BAHD1: variants seen among roughly 807,000 people sequenced by gnomAD.
The protein encoded by BAHD1 is bromo adjacent homology domain-containing 1 protein.
A neutral mutation model predicts 63.1 loss-of-function variants in BAHD1; 20 were observed. The ratio of observed to expected loss-of-function variants is 0.32; its 90% CI spans 0.22 to 0.46. The LOEUF is 0.46. BAHD1 is among the 20% of genes least tolerant of loss of function. BAHD1 has a pLI of 1.00. For missense variants in BAHD1, 939 were observed against 1,071.8 expected (o/e 0.88, Z 1.73); for synonymous variants, 408 against 426.8 (o/e 0.96, Z 0.54).
At chr15:40,462,370 T>G (rs1894076345) in intron 3 of BAHD1, 76 bp downstream of exon 3, 1 of 1,517,936 alleles carries the variant, frequency 6.6e-7, no homozygotes, top group East Asian at 2.3e-5. Flanking sequence ...AGGTAGGTGC[T>G]AGAAGCACCT....
intron 1 of BAHD1, among the ~76,000 whole-genome samples, chr15:40,442,749 C>T (rs1241224479): frequency 6.6e-6 from 1 of 152,186 alleles, no homozygotes; most frequent in Non-Finnish European, 1.5e-5. Context: ...GTTTATAAAT[C>T]CAGGCAGGAA....
rs1046422440 is a variant in BAHD1 at position 40,458,770 on chromosome 15, G to A, written c.306G>A (p.Pro102=). Residue 102 remains proline, a synonymous_variant, in exon 2 of 7, where the codon CCG becomes CCA. Transcript: ENST00000416165. The surrounding 1 kb of genome is among the most constrained non-coding windows in gnomAD (Gnocchi z 4.7). ...CTGACCTGCCCAAGCCCCCCAGCCC[G>A]GCCCCATCCAGTGAAGACCCTGGCC... is the stretch of plus-strand genomic sequence containing the variant. ...LPPDLPKPPS[P]APSSEDPGLA... 2.0e-5 allele frequency: 33 copies of A among 1,612,990 alleles called. No homozygotes were observed. Among genetic ancestry groups the A allele is most frequent in the Admixed American group, 1.2e-4 (7 of 60,008 alleles).
Position 40,458,793 on chromosome 15 carries a change from G to T in BAHD1, c.329G>T (p.Gly110Val), listed in dbSNP as rs768650125. The change falls in exon 2 of 7, where the codon GGC (glycine) becomes GTC (valine). Residue 110 changes from glycine (G) to valine (V), a missense_variant. This residue lies in a region of BAHD1 where 797 missense variants were observed against 813.3 expected (regional missense o/e 0.98). Transcript: ENST00000416165. This position sits in a 1 kb window ranked among gnomAD's most constrained non-coding sequence, Gnocchi z 4.7. ...PSPAPSSEDP[G>V]LAQPRKRRLA... ...CCGGCCCCATCCAGTGAAGACCCTG[G>T]CCTTGCCCAGCCCCGCAAGCGGCGC... 1.9e-6 allele frequency: 3 copies of T among 1,612,990 alleles called. No homozygotes were observed. Among genetic ancestry groups the T allele is most frequent in the Admixed American group, 1.7e-5 (1 of 60,014 alleles).
At position 40,462,232 on chromosome 15, in the gene BAHD1, C is replaced by T. The variant is rs770756651; in HGVS notation, c.1753C>T (p.Arg585Cys). ...GCGCCCACGCCCTCGCCGCCGCCGTCGCCGCCGCACTAATGGCTGGGTACC... is the reference window on the plus strand; with the variant it reads ...GCGCCCACGCCCTCGCCGCCGCCGTTGCCGCCGCACTAATGGCTGGGTACC... ...VQRPRPRRRR[R>C]RRTNGWVPVG... Residue 585 changes from arginine to cysteine, a missense_variant, in exon 3 of 7, where the codon CGC (arginine) becomes TGC (cysteine). Coordinates refer to ENST00000416165, the MANE Select transcript of BAHD1 (RefSeq NM_014952.5). The T allele has an allele frequency of 6.8e-6, 11 of 1,611,254 alleles. No individual in the cohort carries two copies. The highest frequency in any genetic ancestry group is 9.3e-6 in the Non-Finnish European group (11 of 1,178,862).
At chr15:40,443,030 A>G (rs1391832555) in intron 1 of BAHD1, among the ~76,000 whole-genome samples, 1 of 152,188 alleles carries the variant, frequency 6.6e-6, no homozygotes, top group African/African-American at 2.4e-5. Context: ...CAGAGCTCCC[A>G]TGCCCTCCAT....
chr15:40,464,639 G>T, intron 5 of BAHD1, 92 bp downstream of exon 5: 1 of 1,089,236 alleles, frequency 9.2e-7, no homozygotes. Context: ...GCAGCCATGG[G>T]CTGTAGTCAA....
In BAHD1 at chr15:40,466,529, G is replaced by C. The variant is rs370144926; in HGVS notation, c.*399G>C. The C allele has an allele frequency of 1.7e-3, 290 of 168,362 alleles. No individual in the cohort carries two copies. Among genetic ancestry groups the C allele is most frequent in the African/African-American group, 6.6e-3 (278 of 41,866 alleles). The allele number at this position is 168,362 out of a possible 1,614,324, so 10.4% of individuals were successfully genotyped here. A position where few individuals can be genotyped will look rare whatever the true frequency, so the allele number is the denominator to read the frequency against. ...TGTAGCCTCCCCCTTGCCCTCAAAG[G>C]GGGAGTGGGGGCCAGCTTTACCTCA... On this transcript the variant is annotated 3_prime_UTR_variant, in exon 7 of 7. Transcript: ENST00000416165.
At chr15:40,460,072 C>T (rs1457250775) in intron 2 of BAHD1, among the ~76,000 whole-genome samples, 176 bp downstream of exon 2, 3 of 152,140 alleles carry the variant, frequency 2.0e-5, no homozygotes, top group Non-Finnish European at 4.4e-5. Context: ...GGAGCATTCC[C>T]AAGAACAGGG....
intron 4 of BAHD1, chr15:40,464,240 G>T (rs1213922437): frequency 7.5e-6 from 5 of 665,124 alleles, no homozygotes; most frequent in East Asian, 5.4e-5. Flanking sequence ...AGCCAGCAGA[G>T]CCTGGGCACC....
intron 5 of BAHD1, 137 bp from the exon 6 acceptor site, chr15:40,465,198 C>G: frequency 1.4e-6 from 1 of 722,888 alleles, no homozygotes; most frequent in Non-Finnish European, 2.4e-6. Context: ...GTGAGGCATA[C>G]TTAGGCTGAA....
chr15:40,462,362 G>T, intron 3 of BAHD1, 68 bp downstream of exon 3: 1 of 1,536,858 alleles, frequency 6.5e-7, no homozygotes. Context: ...CTGCAGTGAG[G>T]TAGGTGCTAG....
chr15:40,457,057 A>C (rs1032861484), intron 1 of BAHD1, among the ~76,000 whole-genome samples: 6 of 152,178 alleles, frequency 3.9e-5, no homozygotes, highest in African/African-American at 1.4e-4. Context: ...TGCCAAGCAA[A>C]GTTAGGGGAT....
chr15:40,447,175 T>C (rs1893562884), intron 1 of BAHD1, among the ~76,000 whole-genome samples: 2 of 152,172 alleles, frequency 1.3e-5, no homozygotes, highest in Admixed American at 6.5e-5. Flanking sequence ...GTTTCCACCA[T>C]AGTCAGGGCC....
chr15:40,454,366 T>C (rs946995142), intron 1 of BAHD1: 3 of 152,372 alleles, frequency 2.0e-5, no homozygotes, highest in Non-Finnish European at 4.4e-5. Flanking sequence ...TGTCCCTTTC[T>C]GCTTCTGTGG....
chr15:40,451,644 C>T (rs1156874659), intron 1 of BAHD1, among the ~76,000 whole-genome samples: 2 of 151,884 alleles, frequency 1.3e-5, no homozygotes, highest in South Asian at 2.1e-4. Flanking sequence ...TAAGGCCACA[C>T]AGGATTAGCA....
Position 40,464,151 on chromosome 15 carries a change from C to T in BAHD1, c.1975+131C>T, listed in dbSNP as rs1289587910. 1.0e-5 allele frequency: 12 copies of T among 1,143,414 alleles called. No homozygotes were observed. The East Asian group carries it at 1.8e-4, about 17-fold the overall frequency. 70.8% of individuals were successfully genotyped at this position (1,143,414 alleles called of 1,614,324 possible). A position where few individuals can be genotyped will look rare whatever the true frequency, so the allele number is the denominator to read the frequency against. ...TGTTCCTGGCACAGAGTCTGCCTTCCACTCGGCTGGGGTCTCTCTGCTGCC... is the reference window on the plus strand; with the variant it reads ...TGTTCCTGGCACAGAGTCTGCCTTCTACTCGGCTGGGGTCTCTCTGCTGCC... On this transcript the variant is annotated intron_variant, in intron 4 of 6. Coordinates refer to ENST00000416165, the MANE Select transcript of BAHD1 (RefSeq NM_014952.5).
At chr15:40,439,452 GC>G (rs1317851222), upstream of BAHD1, among the ~76,000 whole-genome samples, 1 of 152,202 alleles carries the variant, frequency 6.6e-6, no homozygotes, top group Non-Finnish European at 1.5e-5. Flanking sequence ...TCTAGGAAAG[GC>G]TGGGCGCTGT....
chr15:40,459,523 G>A lies in BAHD1; in HGVS notation c.1059G>A (p.Ser353=), dbSNP rs150048194. The change falls in exon 2 of 7, where the codon TCG becomes TCA. Residue 353 remains serine, a synonymous_variant. Transcript: ENST00000416165. The part of the protein sequence containing the change: ...HQPSFPTPQL[S]PLPMPGNPAD... The stretch of plus-strand genomic sequence containing the variant: ...CCTCTTTCCCCACACCTCAGCTGTC[G>A]CCGCTGCCGATGCCTGGCAACCCCG... 49 of 1,614,034 alleles carry A rather than the reference G, an allele frequency of 3.0e-5. No individual in the cohort carries two copies. The highest frequency in any genetic ancestry group is 2.3e-4 in the African/African-American group (17 of 75,066).
upstream of BAHD1, chr15:40,439,787 C>T (rs368832054): frequency 3.3e-5 from 5 of 152,370 alleles, no homozygotes; most frequent in Admixed American, 6.5e-5. Flanking sequence ...CTGGCACCAC[C>T]AGGTGCCCAA....
Sources: gnomAD v4.1 joint callset for allele counts (sites outside exome capture counted in the v4.1 genomes callset) on GRCh38, gnomAD v4.1.1 for gene constraint, gnomAD v4.1.1 regional missense constraint, Gnocchi (gnomAD v3.1) non-coding constraint, MANE v1.5 for transcripts, NCBI Gene and HGNC (gene_info 2026-07-23, HGNC 2026-07-21) for gene names.